Variants in TENM2 observed in about 807,000 individuals in gnomAD.
TENM2 encodes the protein teneurin transmembrane protein 2, also known as teneurin-2.
Under a neutral mutation model 245.2 loss-of-function variants are expected in TENM2, and 52 were observed. The ratio of observed to expected loss-of-function variants is 0.21; its 90% CI spans 0.17 to 0.27. The LOEUF is 0.27. Among genes scored for constraint, TENM2 ranks in the 10% least tolerant of loss-of-function variants. The pLI is 1.00. For synonymous variants in TENM2, 1,363 were observed against 1,438.9 expected, an observed-to-expected ratio of 0.95 and a Z score of 1.19; for missense variants, 3,046 against 3,666.8, an observed-to-expected ratio of 0.83 and a Z score of 4.37.
chr5:167,512,833 T>C (rs2127571851), intron 2 of TENM2, among the ~76,000 whole-genome samples: 1 of 152,324 alleles, frequency 6.6e-6, no homozygotes, highest in Non-Finnish European at 1.5e-5. Flanking sequence ...TGTGTTTTTT[T>C]CCTCCTTTTA....
At chr5:167,200,395 C>G in the TENM2 span, among the ~76,000 whole-genome samples, 1 of 151,954 alleles carries the variant, frequency 6.6e-6, no homozygotes, top group Non-Finnish European at 1.5e-5. Flanking sequence ...GCATGACATT[C>G]TACTTCGTTT....
intron 7 of TENM2, among the ~76,000 whole-genome samples, chr5:168,062,906 G>C (rs1385983133): frequency 6.6e-6 from 1 of 152,190 alleles, no homozygotes. Flanking sequence ...GGGGGGTAGT[G>C]ATAGTAATGG....
the TENM2 span, among the ~76,000 whole-genome samples, chr5:167,060,124 A>T: frequency 2.0e-5 from 3 of 152,308 alleles, no homozygotes; most frequent in African/African-American, 7.2e-5. Flanking sequence ...GCAGCAATGG[A>T]TGTATCTTTG....
intron 14 of TENM2, 144 bp from the exon 17 acceptor site, chr5:168,195,032 C>A: frequency 1.0e-6 from 1 of 958,358 alleles, no homozygotes; most frequent in Non-Finnish European, 1.5e-6. Context: ...ATGTCACTAG[C>A]GTGATTGTGC....
At chr5:167,489,280 TC>T (rs1768279025) in intron 2 of TENM2, among the ~76,000 whole-genome samples, 2 of 152,224 alleles carry the variant, frequency 1.3e-5, no homozygotes, top group Non-Finnish European at 2.9e-5. Context: ...GCAATCTGGC[TC>T]TACTGACCTT....
chr5:168,036,697 ATATGTATGTG>A (rs1475210113), intron 5 of TENM2, among the ~76,000 whole-genome samples: 80 of 97,964 alleles, frequency 8.2e-4, no homozygotes, highest in African/African-American at 2.8e-3. Flanking sequence ...ATATATATAT[ATATGTATGTG>A]TATATATATG....
the TENM2 span, among the ~76,000 whole-genome samples, chr5:167,219,533 AT>A: frequency 6.6e-6 from 1 of 152,164 alleles, no homozygotes; most frequent in Non-Finnish European, 1.5e-5. Context: ...CATTGTTCTT[AT>A]GAAAATTAGG....
intron 2 of TENM2, among the ~76,000 whole-genome samples, chr5:167,835,528 A>G (rs1768909661): frequency 6.6e-6 from 1 of 152,130 alleles, no homozygotes. Context: ...CTCTTCTTTT[A>G]GTCCTTTTTA....
rs113146297 is a variant in TENM2 at position 167,698,640 on chromosome 5, T to C, written c.503-177346T>C. Among the ~76,000 whole-genome samples the C allele has an allele frequency of 1.3e-3, 203 of 151,904 alleles. 1 individual carries two copies. Among genetic ancestry groups the C allele is most frequent in the African/African-American group, 4.7e-3 (196 of 41,418 alleles). Reference sequence around the variant, plus strand: ...AAGAACAGAGAATGGCTTCCATAAATAGTTTTTCTGTGTGTGTGTGTGTTT... The same window carrying C: ...AAGAACAGAGAATGGCTTCCATAAACAGTTTTTCTGTGTGTGTGTGTGTTT... On this transcript the variant is annotated intron_variant, in intron 2 of 28. Coordinates refer to ENST00000518659, the Ensembl canonical transcript of TENM2.
chr5:168,246,635 A>T, intron 26 of TENM2, 122 bp from the exon 29 acceptor site: 1 of 1,008,656 alleles, frequency 9.9e-7, no homozygotes, highest in Non-Finnish European at 1.5e-6. Flanking sequence ...AATCTGGTCT[A>T]AGCTTCCCAT....
At chr5:167,258,243 G>GTA in the TENM2 span, among the ~76,000 whole-genome samples, 388 of 135,958 alleles carry the variant, frequency 2.9e-3, 1 homozygote, top group African/African-American at 0.011. Flanking sequence ...ATATATATAT[G>GTA]TATATATATA....
intron 2 of TENM2, among the ~76,000 whole-genome samples, chr5:167,377,288 C>A (rs1760815143): frequency 6.6e-6 from 1 of 152,092 alleles, no homozygotes; most frequent in Admixed American, 6.5e-5. Flanking sequence ...TCCCTGCATA[C>A]TGATAAGAAA....
intron 2 of TENM2, among the ~76,000 whole-genome samples, chr5:167,846,872 G>T (rs771049070): frequency 6.6e-6 from 1 of 152,256 alleles, no homozygotes; most frequent in East Asian, 1.9e-4. Context: ...TCCAAAGATC[G>T]TTGTGCGTTA....
At chr5:167,940,185 A>G (rs1476863117) in intron 3 of TENM2, among the ~76,000 whole-genome samples, 1 of 152,192 alleles carries the variant, frequency 6.6e-6, no homozygotes, top group Non-Finnish European at 1.5e-5. Context: ...ATACCGCAGT[A>G]TACTTCAACA....
the TENM2 span, among the ~76,000 whole-genome samples, chr5:167,016,126 C>T: frequency 0.38 from 57,871 of 151,444 alleles, 12,421 homozygotes; most frequent in Admixed American, 0.53. Flanking sequence ...TGGTGGCGGG[C>T]GCCTGTAGTC....
chr5:167,033,879 A>T, the TENM2 span, among the ~76,000 whole-genome samples: 1 of 152,224 alleles, frequency 6.6e-6, no homozygotes, highest in East Asian at 1.9e-4. Flanking sequence ...TGACTCAATA[A>T]ATTTTTTAGG....
At chr5:167,430,867 C>T (rs1208691694) in intron 2 of TENM2, among the ~76,000 whole-genome samples, 4 of 152,142 alleles carry the variant, frequency 2.6e-5, no homozygotes, top group African/African-American at 9.7e-5. Context: ...TAATTTGGTC[C>T]ACAGTTTTCA....
intron 13 of TENM2, among the ~76,000 whole-genome samples, chr5:168,167,455 T>G (rs1007453054): frequency 1.2e-4 from 19 of 152,008 alleles, no homozygotes; most frequent in African/African-American, 3.9e-4. Flanking sequence ...AGTCTGAAGC[T>G]CCTGTGGAAT....
chr5:167,240,888 C>T, the TENM2 span, among the ~76,000 whole-genome samples: 315 of 152,308 alleles, frequency 2.1e-3, 2 homozygotes, highest in African/African-American at 7.4e-3. Flanking sequence ...GCCAATTCCT[C>T]TTCCACAAAA....
Sources: gnomAD v4.1 joint callset for allele counts (sites outside exome capture counted in the v4.1 genomes callset) on GRCh38, gnomAD v4.1.1 for gene constraint, MANE v1.5 for transcripts, NCBI Gene and HGNC (gene_info 2026-07-23, HGNC 2026-07-21) for gene names.